Variants in PPP2R2B observed in about 807,000 individuals in gnomAD.
PPP2R2B encodes protein phosphatase 2 regulatory subunit Bbeta.
A neutral mutation model predicts 46.0 loss-of-function variants in PPP2R2B; 5 were observed. The ratio of observed to expected loss-of-function variants is 0.11; its 90% CI spans 0.06 to 0.23. The LOEUF (loss-of-function observed/expected upper bound fraction) is 0.23, where lower values mean the gene tolerates loss of function less well. Ranked by LOEUF, PPP2R2B falls within the 10% of genes least tolerant of loss-of-function variation. The probability of loss-of-function intolerance (pLI) is 1.00; values close to 1 mark genes in which losing one functional copy is unlikely to be tolerated. For synonymous variants in PPP2R2B, 215 were observed against 206.7 expected (o/e 1.04, Z -0.34); for missense variants, 367 against 575.0 (o/e 0.64, Z 3.70).
intron 2 of PPP2R2B, among the ~76,000 whole-genome samples, chr5:146,796,841 T>A (rs911851556): frequency 2.0e-5 from 3 of 152,204 alleles, no homozygotes; most frequent in Non-Finnish European, 4.4e-5. Flanking sequence ...GTGAGTACCA[T>A]CACCTTGTGA....
At chr5:147,017,565 G>A (rs1216952492) in intron 1 of PPP2R2B, among the ~76,000 whole-genome samples, 5 of 151,508 alleles carry the variant, frequency 3.3e-5, no homozygotes, top group Non-Finnish European at 7.4e-5. Context: ...GGAGCCTACA[G>A]AGGAAGCATA....
At chr5:147,068,206 C>T (rs796620594) in intron 2 of PPP2R2B, among the ~76,000 whole-genome samples, 93 of 152,254 alleles carry the variant, frequency 6.1e-4, no homozygotes, top group African/African-American at 2.1e-3. Flanking sequence ...TGTCAAGCGC[C>T]GTGCTTTGTG....
At chr5:146,773,815 G>A (rs1363155081) in intron 2 of PPP2R2B, among the ~76,000 whole-genome samples, 1 of 152,082 alleles carries the variant, frequency 6.6e-6, no homozygotes, top group East Asian at 1.9e-4. Context: ...AATTTTAATT[G>A]CCATGAGTTT....
intron 1 of PPP2R2B, among the ~76,000 whole-genome samples, chr5:147,023,491 T>TA (rs1755384459): frequency 6.6e-6 from 1 of 152,128 alleles, no homozygotes; most frequent in Middle Eastern, 3.2e-3. Flanking sequence ...CCTAAAAATA[T>TA]ACACTTTAAA....
chr5:147,014,421 A>G (rs1304076679), intron 1 of PPP2R2B, among the ~76,000 whole-genome samples: 1 of 151,374 alleles, frequency 6.6e-6, no homozygotes, highest in Non-Finnish European at 1.5e-5. Context: ...ATGCTGCTAT[A>G]AAGACACATG....
rs372716254 is a variant in PPP2R2B at position 146,909,862 on chromosome 5, T to TACCATCCC, written c.79+145795_79+145802dup. Among the ~76,000 whole-genome samples, 973 of 152,294 alleles carry TACCATCCC rather than the reference T, an allele frequency of 6.4e-3. 10 individuals carry two copies. Among genetic ancestry groups the TACCATCCC allele is most frequent in the African/African-American group, 0.022 (929 of 41,558 alleles). ...CTATGCTGATAACAGATTACATTTCTACCATCCCACAAAAAAGCCCAAACA... is the reference window on the plus strand; with the variant it reads ...CTATGCTGATAACAGATTACATTTCTACCATCCCACCATCCCACAAAAAAGCCCAAACA... On this transcript the variant is annotated intron_variant, in intron 1 of 8. Coordinates refer to the PPP2R2B transcript ENST00000336640.
Position 146,988,295 on chromosome 5 carries a change from C to G in PPP2R2B, c.79+67370G>C, listed in dbSNP as rs535515546. Among the ~76,000 whole-genome samples the G allele has an allele frequency of 5.9e-5, 9 of 152,004 alleles. No homozygotes were observed. The South Asian group carries it at 1.7e-3, about 28-fold the overall frequency. ...TTAACAGATATTATAAAACATACCA[C>G]TAAAAAGCTGTAGAATACACATTCT... On this transcript the variant is annotated intron_variant, in intron 1 of 8. Transcript: ENST00000336640.
chr5:146,912,676 T>G (rs1763234006), intron 1 of PPP2R2B, among the ~76,000 whole-genome samples: 1 of 151,814 alleles, frequency 6.6e-6, no homozygotes, highest in South Asian at 2.1e-4. Context: ...GGCTAATTTT[T>G]TTTTGTATTT....
intron 5 of PPP2R2B, among the ~76,000 whole-genome samples, chr5:146,677,756 G>A (rs990975252): frequency 1.3e-5 from 2 of 152,022 alleles, no homozygotes; most frequent in African/African-American, 4.8e-5. Context: ...TTGAACTCCT[G>A]AGCTCAAGCG....
At chr5:146,909,098 T>A (rs995187608) in intron 1 of PPP2R2B, among the ~76,000 whole-genome samples, 2 of 152,166 alleles carry the variant, frequency 1.3e-5, no homozygotes, top group African/African-American at 4.8e-5. Flanking sequence ...GAGAGGGCAG[T>A]GGGAGGTCAC....
At chr5:146,950,281 T>A (rs1036201) in intron 1 of PPP2R2B, among the ~76,000 whole-genome samples, 16,878 of 151,880 alleles carry the variant, frequency 0.11, 1,279 homozygotes, top group East Asian at 0.26. Flanking sequence ...AATAAGGCAA[T>A]CAGGGAACTT....
chr5:146,719,573 T>G (rs1227017411), intron 2 of PPP2R2B, among the ~76,000 whole-genome samples: 1 of 152,124 alleles, frequency 6.6e-6, no homozygotes, highest in East Asian at 1.9e-4. Flanking sequence ...ACATTGTAGC[T>G]CCTCAATATA....
intron 1 of PPP2R2B, among the ~76,000 whole-genome samples, chr5:146,931,250 A>T (rs1001638154): frequency 6.6e-6 from 1 of 152,108 alleles, no homozygotes; most frequent in Admixed American, 6.6e-5. Context: ...GATGTTTCCC[A>T]TCTTAGTGTT....
chr5:146,702,997 G>A lies in PPP2R2B; in HGVS notation c.71-1855C>T, dbSNP rs79445591. On this transcript the variant is annotated intron_variant, in intron 2 of 9. Transcript: ENST00000394411. ...TGAGAAAGCCAGACACCTCAAGTGA[G>A]TTATTTGACCACTTTCCTTTGTTAC... Among the ~76,000 whole-genome samples the A allele has an allele frequency of 4.1e-3, 619 of 152,338 alleles. 4 individuals are homozygous for A. The highest frequency in any genetic ancestry group is 0.014 in the African/African-American group (577 of 41,576).
At chr5:146,998,396 G>A (rs887741597) in intron 1 of PPP2R2B, among the ~76,000 whole-genome samples, 1 of 152,186 alleles carries the variant, frequency 6.6e-6, no homozygotes, top group African/African-American at 2.4e-5. Flanking sequence ...CGGACAATCT[G>A]GGAAGCCTAT....
intron 2 of PPP2R2B, among the ~76,000 whole-genome samples, chr5:146,839,583 G>A (rs1051636926): frequency 1.3e-5 from 2 of 152,110 alleles, no homozygotes; most frequent in African/African-American, 4.8e-5. Context: ...GTGTCATCTG[G>A]GAGGTAAGTA....
chr5:146,649,579 G>A (rs369975988), intron 6 of PPP2R2B, among the ~76,000 whole-genome samples: 1 of 151,912 alleles, frequency 6.6e-6, no homozygotes, highest in Admixed American at 6.6e-5. Flanking sequence ...CAAGTAACTG[G>A]GACTACAGGC....
intron 1 of PPP2R2B, among the ~76,000 whole-genome samples, chr5:146,949,007 C>T (rs1303453852): frequency 6.6e-6 from 1 of 152,024 alleles, no homozygotes; most frequent in African/African-American, 2.4e-5. Context: ...TGTATCTGTA[C>T]TTGTAACAGA....
chr5:146,800,065 C>A (rs1257810927), intron 2 of PPP2R2B, among the ~76,000 whole-genome samples: 2 of 151,788 alleles, frequency 1.3e-5, no homozygotes, highest in Non-Finnish European at 2.9e-5. Context: ...TAATCATAAG[C>A]TGAAATTTGA....
Sources: allele counts gnomAD v4.1 joint callset (sites outside exome capture counted in the v4.1 genomes callset), GRCh38; gene constraint gnomAD v4.1.1; transcripts MANE v1.5; gene names NCBI Gene and HGNC (gene_info 2026-07-23, HGNC 2026-07-21).